The following PTK2 variants were observed in gnomAD, a reference collection of about 807,000 sequenced individuals.
PTK2 encodes protein tyrosine kinase 2.
In PTK2, 45 loss-of-function variants were observed where a neutral mutation model predicts 150.1. That is an observed-to-expected ratio of 0.30 (90% CI 0.24 to 0.38). PTK2 has a LOEUF of 0.38. Ranked by LOEUF, PTK2 falls within the 10% of genes least tolerant of loss-of-function variation. The probability of loss-of-function intolerance (pLI) is 1.00; values close to 1 mark genes in which losing one functional copy is unlikely to be tolerated. For synonymous variants in PTK2, 432 were observed against 449.2 expected (o/e 0.96, Z 0.48); for missense variants, 919 against 1,307.3 (o/e 0.70, Z 4.58).
chr8:140,993,473 T>C (rs1483566554), intron 1 of PTK2, among the ~76,000 whole-genome samples: 1 of 152,240 alleles, frequency 6.6e-6, no homozygotes, highest in Non-Finnish European at 1.5e-5. Flanking sequence ...CAATAATGTA[T>C]AAAACAAAGT....
intron 1 of PTK2, among the ~76,000 whole-genome samples, chr8:140,964,410 ACT>A (rs2100184474): frequency 6.6e-6 from 1 of 150,600 alleles, no homozygotes; most frequent in African/African-American, 2.4e-5. Context: ...ATAGGGTCTC[ACT>A]CTGTCATCCA....
chr8:140,803,934 A>T (rs1263095639), intron 10 of PTK2, among the ~76,000 whole-genome samples: 2 of 152,194 alleles, frequency 1.3e-5, no homozygotes, highest in African/African-American at 2.4e-5. Context: ...AACAGAAGAT[A>T]AAGGAGGGAG....
chr8:140,781,292 A>G (rs1255020072), intron 14 of PTK2, among the ~76,000 whole-genome samples: 1 of 152,178 alleles, frequency 6.6e-6, no homozygotes, highest in Non-Finnish European at 1.5e-5. Flanking sequence ...TGTTTTAATA[A>G]TATATTTTTT....
chr8:140,850,496 C>T (rs961188594), intron 5 of PTK2, among the ~76,000 whole-genome samples: 10 of 144,792 alleles, frequency 6.9e-5, no homozygotes, highest in Admixed American at 1.4e-4. Context: ...GAGGCCAAGG[C>T]GGGTAGATCA....
chr8:140,894,079 C>CG, intron 2 of PTK2, among the ~76,000 whole-genome samples: 1 of 152,294 alleles, frequency 6.6e-6, no homozygotes, highest in Admixed American at 6.5e-5. Context: ...ATACTCCCCC[C>CG]AATGTGATGC....
chr8:140,838,008 G>C (rs2100119843), intron 7 of PTK2, among the ~76,000 whole-genome samples: 1 of 151,766 alleles, frequency 6.6e-6, no homozygotes, highest in Admixed American at 6.6e-5. Flanking sequence ...GTTGCTGCAA[G>C]CCGAGGTCAC....
chr8:140,920,674 C>A, intron 2 of PTK2: 2 of 811,882 alleles, frequency 2.5e-6, no homozygotes, highest in Non-Finnish European at 3.6e-6. Flanking sequence ...TAGCTGTAAA[C>A]CCATACCAAA....
chr8:140,659,709 G>T, intron 31 of PTK2, 31 bp from the exon 36 acceptor site: 2 of 1,528,346 alleles, frequency 1.3e-6, no homozygotes, highest in Non-Finnish European at 1.8e-6. Context: ...CAGGAGAACT[G>T]TTTTCAGTGA....
At chr8:140,870,864 T>C (rs1431559393) in intron 4 of PTK2, among the ~76,000 whole-genome samples, 1 of 152,184 alleles carries the variant, frequency 6.6e-6, no homozygotes, top group East Asian at 1.9e-4. Flanking sequence ...TTTGGTTATA[T>C]TTTAGAGCAG....
chr8:140,689,822 C>G (rs2100022063), intron 26 of PTK2, among the ~76,000 whole-genome samples: 1 of 152,214 alleles, frequency 6.6e-6, no homozygotes, highest in Non-Finnish European at 1.5e-5. Context: ...TCCTCTTCTG[C>G]CCATTCACTT....
At chr8:140,662,982 A>T in intron 31 of PTK2, 1 of 408,268 alleles carries the variant, frequency 2.4e-6, no homozygotes, top group Non-Finnish European at 4.4e-6. Flanking sequence ...ACCACGTGCA[A>T]AGTGTAATCC....
At position 140,921,835 on chromosome 8, in the gene PTK2, G is replaced by A. The variant is rs868743034; in HGVS notation, c.-33+3826C>T. On this transcript the variant is annotated intron_variant, in intron 2 of 31. Transcript: ENST00000522684. Reference sequence around the variant, plus strand: ...TACTAGCAACTTTTTAAAATGCAGAGCTACTTAGTTTTTCCATTCAAACTG... The same window carrying A: ...TACTAGCAACTTTTTAAAATGCAGAACTACTTAGTTTTTCCATTCAAACTG... 4.6e-5 allele frequency among the ~76,000 whole-genome samples: 7 copies of A among 152,152 alleles called. 1 individual carries two copies. The South Asian group carries it at 1.0e-3, about 23-fold the overall frequency.
At chr8:140,950,405 C>A (rs952564717) in intron 1 of PTK2, among the ~76,000 whole-genome samples, 3 of 152,272 alleles carry the variant, frequency 2.0e-5, no homozygotes. Context: ...TGCAGTACAT[C>A]TGGTCCAGCT....
rs1360348858 is a variant in PTK2, at chr8:140,717,718, A to G, written c.2031-9T>C. 1 of 1,610,676 alleles carries G rather than the reference A, an allele frequency of 6.2e-7. No individual in the cohort carries two copies. The highest frequency in any genetic ancestry group is 1.3e-5 in the African/African-American group (1 of 74,836). On this transcript the variant is annotated splice_polypyrimidine_tract_variant and intron_variant, in intron 22 of 31. Transcript: ENST00000522684. Reference sequence around the variant, plus strand: ...CTTCCTCCAGGATTGTGCTAGAGAGACAACACATTGTCTTAGGGGAGCTGA... The same window carrying G: ...CTTCCTCCAGGATTGTGCTAGAGAGGCAACACATTGTCTTAGGGGAGCTGA...
At chr8:140,885,019 A>C (rs2100151765) in intron 3 of PTK2, among the ~76,000 whole-genome samples, 1 of 152,192 alleles carries the variant, frequency 6.6e-6, no homozygotes, top group Admixed American at 6.5e-5. Context: ...AGGGGTTTTG[A>C]ATGGGATAAG....
intron 2 of PTK2, chr8:140,920,847 C>G: frequency 6.5e-7 from 1 of 1,527,160 alleles, no homozygotes; most frequent in South Asian, 1.2e-5. Flanking sequence ...GGACTACATC[C>G]GCTTTTCTCC....
At chr8:140,902,831 T>C (rs1181761723) in intron 2 of PTK2, among the ~76,000 whole-genome samples, 5 of 151,964 alleles carry the variant, frequency 3.3e-5, no homozygotes, top group African/African-American at 9.7e-5. Context: ...TTTAAGTTCT[T>C]TGAAGATTCT....
intron 23 of PTK2, 74 bp from the exon 27 acceptor site, chr8:140,706,279 G>T (rs1174509760): frequency 8.7e-7 from 1 of 1,146,986 alleles, no homozygotes; most frequent in Non-Finnish European, 1.3e-6. Context: ...AATCGAAAAA[G>T]ACATTTTCCT....
chr8:140,668,486 T>C, intron 29 of PTK2, 62 bp from the exon 34 acceptor site: 7 of 1,534,444 alleles, frequency 4.6e-6, no homozygotes, highest in Non-Finnish European at 6.2e-6. Context: ...ATCACCACAA[T>C]CAAGCTAGAG....
Sources: gnomAD v4.1 joint callset for allele counts (sites outside exome capture counted in the v4.1 genomes callset) on GRCh38, gnomAD v4.1.1 for gene constraint, MANE v1.5 for transcripts, NCBI Gene and HGNC (gene_info 2026-07-23, HGNC 2026-07-21) for gene names.